CDYL: variants seen among roughly 807,000 people sequenced by gnomAD.
CDYL encodes the protein chromodomain Y-like protein.
CDYL carries 8 observed loss-of-function variants against 47.3 expected under a neutral mutation model. The ratio of observed to expected loss-of-function variants is 0.17; its 90% CI spans 0.10 to 0.31. CDYL has a LOEUF of 0.31. CDYL is among the 10% of genes least tolerant of loss of function. The pLI is 1.00. For synonymous variants in CDYL, 266 were observed against 265.0 expected, an observed-to-expected ratio of 1.00 and a Z score of -0.04; for missense variants, 471 against 701.4, an observed-to-expected ratio of 0.67 and a Z score of 3.71.
intron 3 of CDYL, among the ~76,000 whole-genome samples, chr6:4,750,927 A>G (rs1207656814): frequency 6.8e-6 from 1 of 148,036 alleles, no homozygotes; most frequent in Non-Finnish European, 1.5e-5. Flanking sequence ...ATCTCGGCTC[A>G]CTGCAAGCTC....
chr6:4,893,019 A>G (rs1762094939), intron 2 of CDYL, among the ~76,000 whole-genome samples: 1 of 152,210 alleles, frequency 6.6e-6, no homozygotes, highest in African/African-American at 2.4e-5. Flanking sequence ...TCCATCTCCC[A>G]GGACAGCACA....
At chr6:4,712,579 G>A (rs992154647) in intron 1 of CDYL, among the ~76,000 whole-genome samples, 8 of 152,174 alleles carry the variant, frequency 5.3e-5, no homozygotes, top group Non-Finnish European at 8.8e-5. Context: ...GGACAGCTGC[G>A]GATGGTGGGT....
intron 1 of CDYL, among the ~76,000 whole-genome samples, chr6:4,785,941 G>A (rs189822137): frequency 2.2e-4 from 34 of 152,318 alleles, no homozygotes; most frequent in African/African-American, 6.7e-4. Context: ...CCAGTCCTGC[G>A]CCCCTTAGAG....
chr6:4,706,661 C>T (rs886659321), intron 1 of CDYL, among the ~76,000 whole-genome samples: 28 of 152,084 alleles, frequency 1.8e-4, no homozygotes, highest in East Asian at 7.7e-4. Context: ...TGGTGGTGCG[C>T]GCCTGTAATT....
At position 4,891,652 on chromosome 6, in the gene CDYL, C is replaced by T. The variant is rs1762044819; in HGVS notation, c.25-61C>T. 2.9e-6 allele frequency: 4 copies of T among 1,360,636 alleles called. No homozygotes were observed. The African/African-American group carries it at 5.9e-5, about 20-fold the overall frequency. The allele number at this position is 1,360,636 out of a possible 1,614,324, so 84.3% of individuals were successfully genotyped here. On this transcript the variant is annotated intron_variant, in intron 1 of 6. Coordinates refer to ENST00000397588, the MANE Select transcript of CDYL (RefSeq NM_004824.4). The stretch of plus-strand genomic sequence containing the variant: ...CTATTTTTGATGTTTCCTAATGAAA[C>T]TTGCACTTTTCCCCCCAAATTTTGA...
intron 1 of CDYL, among the ~76,000 whole-genome samples, chr6:4,834,907 C>T (rs1561660528): frequency 6.6e-6 from 1 of 152,154 alleles, no homozygotes; most frequent in Admixed American, 6.5e-5. Context: ...GTTCTCGAGC[C>T]TTGGCTTTCA....
At chr6:4,919,763 A>G (rs915382988) in intron 2 of CDYL, among the ~76,000 whole-genome samples, 2 of 152,200 alleles carry the variant, frequency 1.3e-5, no homozygotes, top group Non-Finnish European at 2.9e-5. Flanking sequence ...TTTTATTATA[A>G]TTACTAATTA....
intron 2 of CDYL, among the ~76,000 whole-genome samples, chr6:4,929,526 A>ACACACG (rs70974153): frequency 1.4e-5 from 2 of 147,642 alleles, no homozygotes; most frequent in Admixed American, 1.3e-4. Context: ...ACACACACAC[A>ACACACG]TACATACACA....
At chr6:4,800,524 G>T (rs541726065) in intron 1 of CDYL, among the ~76,000 whole-genome samples, 13 of 152,052 alleles carry the variant, frequency 8.5e-5, no homozygotes, top group African/African-American at 3.1e-4. Context: ...ACCATTTCTG[G>T]CTGTCTTCAT....
chr6:4,894,078 T>C (rs1383651583), intron 2 of CDYL, among the ~76,000 whole-genome samples: 1 of 152,184 alleles, frequency 6.6e-6, no homozygotes, highest in Non-Finnish European at 1.5e-5. Context: ...ATGGATACAG[T>C]TTTCTCTTAC....
intron 3 of CDYL, among the ~76,000 whole-genome samples, chr6:4,745,592 T>A (rs111556479): frequency 6.6e-6 from 1 of 151,032 alleles, no homozygotes; most frequent in Non-Finnish European, 1.5e-5. Flanking sequence ...AAATAAAAAT[T>A]AAAAAAAAAA....
chr6:4,942,986 A>C (rs1010748444), intron 4 of CDYL, among the ~76,000 whole-genome samples: 4 of 152,158 alleles, frequency 2.6e-5, no homozygotes, highest in Non-Finnish European at 5.9e-5. Context: ...GTCCACTTCC[A>C]CATAAACTCA....
chr6:4,730,599 A>G (rs538347924), intron 2 of CDYL, among the ~76,000 whole-genome samples: 2 of 144,104 alleles, frequency 1.4e-5, no homozygotes, highest in African/African-American at 5.0e-5. Flanking sequence ...GCTTGAACCC[A>G]GGAGGCGGAG....
chr6:4,889,458 C>T (rs1318392085), intron 1 of CDYL, among the ~76,000 whole-genome samples: 1 of 152,042 alleles, frequency 6.6e-6, no homozygotes, highest in African/African-American at 2.4e-5. Flanking sequence ...CTCCTGACCT[C>T]GTGATCCGCC....
rs1458431348 is a variant in CDYL at position 4,895,413 on chromosome 6, G to A, written c.691+3034G>A. On this transcript the variant is annotated intron_variant, in intron 2 of 6. Coordinates refer to ENST00000397588, the MANE Select transcript of CDYL (RefSeq NM_004824.4). ...CATATATGCATGTATACATGTATAC[G>A]TATATATGCATGTATACATGTATAC... 8.0e-4 allele frequency among the ~76,000 whole-genome samples: 5 copies of A among 6,226 alleles called. 2 individuals are homozygous for A. Among genetic ancestry groups the A allele is most frequent in the African/African-American group, 8.5e-4 (5 of 5,904 alleles). 4.1% of individuals were successfully genotyped at this position (6,226 alleles called of 152,430 possible).
chr6:4,769,397 T>A (rs914584895), intron 3 of CDYL, among the ~76,000 whole-genome samples: 1 of 152,218 alleles, frequency 6.6e-6, no homozygotes, highest in Admixed American at 6.5e-5. Flanking sequence ...CTACTTCTCA[T>A]AAATTATTTA....
chr6:4,734,635 A>G (rs1479188312), intron 2 of CDYL: 8 of 1,286,830 alleles, frequency 6.2e-6, no homozygotes, highest in African/African-American at 4.8e-5. Flanking sequence ...ATGTTCAGTT[A>G]GACTCCTAAT....
intron 3 of CDYL, among the ~76,000 whole-genome samples, chr6:4,760,009 G>A (rs1238910842): frequency 6.7e-5 from 10 of 149,892 alleles, no homozygotes; most frequent in Non-Finnish European, 1.3e-4. Flanking sequence ...TCCTTGAAGA[G>A]ATTAGTTTCA....
chr6:4,909,419 C>T (rs1435048972), intron 2 of CDYL, among the ~76,000 whole-genome samples: 1 of 152,202 alleles, frequency 6.6e-6, no homozygotes, highest in Non-Finnish European at 1.5e-5. Context: ...TTGCCACCAC[C>T]TTGTCCAAGC....
Sources: gnomAD v4.1 joint callset for allele counts (sites outside exome capture counted in the v4.1 genomes callset) on GRCh38, gnomAD v4.1.1 for gene constraint, MANE v1.5 for transcripts, NCBI Gene and HGNC (gene_info 2026-07-23, HGNC 2026-07-21) for gene names.